The following MTUS1 variants were observed in gnomAD, a reference collection of about 807,000 sequenced individuals.
The protein encoded by MTUS1 is microtubule-associated tumor suppressor 1.
MTUS1 carries 109 observed loss-of-function variants against 120.8 expected under a neutral mutation model. The ratio of observed to expected loss-of-function variants is 0.90; its 90% CI spans 0.77 to 1.06. The LOEUF is 1.06. MTUS1 is among the 50% of genes least tolerant of loss of function. MTUS1 has a pLI of 0.00. For missense variants in MTUS1, 2,210 were observed against 1,486.3 expected, an observed-to-expected ratio of 1.49 and a Z score of -8.01; for synonymous variants, 737 against 550.5, an observed-to-expected ratio of 1.34 and a Z score of -4.74.
intron 7 of MTUS1, chr8:17,676,252 G>C: frequency 1.4e-6 from 1 of 703,018 alleles, no homozygotes; most frequent in Admixed American, 2.0e-5. Flanking sequence ...TTCCAGAAAA[G>C]CACTATAAAC....
chr8:17,747,292 C>G (rs991882757), intron 2 of MTUS1, among the ~76,000 whole-genome samples: 18 of 152,276 alleles, frequency 1.2e-4, no homozygotes, highest in African/African-American at 4.3e-4. Flanking sequence ...TGTACTCTAC[C>G]CAGAATACCT....
chr8:17,723,595 A>G (rs956898364), intron 4 of MTUS1, 77 bp downstream of exon 4: 10 of 1,462,432 alleles, frequency 6.8e-6, no homozygotes, highest in Admixed American at 5.0e-5. Flanking sequence ...CAAAAATTCT[A>G]ATTATTTGCA....
chr8:17,653,735 T>A, intron 10 of MTUS1: 2 of 442,474 alleles, frequency 4.5e-6, no homozygotes, highest in South Asian at 6.8e-5. Context: ...AAGCCCACCA[T>A]GGCCCACAGA....
At position 17,684,380 on chromosome 8, in the gene MTUS1, C is replaced by A; in HGVS notation, c.2786G>T (p.Gly929Val). 9 of 1,614,166 alleles carry A rather than the reference C, an allele frequency of 5.6e-6. No homozygotes were observed. Among genetic ancestry groups the A allele is most frequent in the Non-Finnish European group, 7.6e-6 (9 of 1,180,026 alleles). Residue 929 changes from glycine (G) to valine (V), a missense_variant, in exon 7 of 15, where the codon GGT (glycine) becomes GTT (valine). Transcript: ENST00000693296. ...ILQLKQLLACGNTKFEALTVV... is the reference protein window; with the variant it reads ...ILQLKQLLACVNTKFEALTVV... ...TGTCAATGCCTCAAACTTGGTATTA[C>A]CACAGGCAAGAAGCTGCTTGAGCTG...
rs1554533204 is a variant in MTUS1, at chr8:17,767,700, T to TAAGAAAAAAAAAAA, written c.-154-11740_-154-11739insTTTTTTTTTTTCTT. ...GGTGATAGAGCAAGACCCTGTCTCT[T>TAAGAAAAAAAAAAA]AAAAAAAAAAAAAAAAAACGGTGTG... is the stretch of plus-strand genomic sequence containing the variant. On this transcript the variant is annotated intron_variant, in intron 1 of 14. Transcript: ENST00000693296. 1.4e-4 allele frequency among the ~76,000 whole-genome samples: 12 copies of TAAGAAAAAAAAAAA among 87,872 alleles called. 1 individual carries two copies. The highest frequency in any genetic ancestry group is 5.1e-4 in the African/African-American group (10 of 19,662). The allele number at this position is 87,872 out of a possible 152,430, so 57.6% of individuals were successfully genotyped here. A position where few individuals can be genotyped will look rare whatever the true frequency, so the allele number is the denominator to read the frequency against.
intron 8 of MTUS1, among the ~76,000 whole-genome samples, chr8:17,670,213 A>G (rs1811733883): frequency 6.6e-6 from 1 of 152,240 alleles, no homozygotes; most frequent in Non-Finnish European, 1.5e-5. Context: ...GGGCTGGACC[A>G]TCAGGAAGGT....
intron 3 of MTUS1, among the ~76,000 whole-genome samples, chr8:17,725,278 G>A (rs1203161487): frequency 7.2e-5 from 11 of 152,162 alleles, no homozygotes; most frequent in Admixed American, 7.2e-4. Context: ...AATGCCCATT[G>A]CTTTGTTCTA....
intron 3 of MTUS1, among the ~76,000 whole-genome samples, chr8:17,731,727 A>T (rs182787688): frequency 0.011 from 1,716 of 152,350 alleles, 12 homozygotes; most frequent in South Asian, 0.028. Flanking sequence ...AGCAGATCAA[A>T]AAAAAATCCT....
At chr8:17,662,521 A>T (rs1809980254) in intron 8 of MTUS1, among the ~76,000 whole-genome samples, 2 of 151,698 alleles carry the variant, frequency 1.3e-5, no homozygotes, top group South Asian at 2.1e-4. Context: ...ACACTTGGCT[A>T]ATTTTTTGTT....
chr8:17,771,293 G>A (rs2050006262), intron 1 of MTUS1, among the ~76,000 whole-genome samples: 1 of 152,150 alleles, frequency 6.6e-6, no homozygotes, highest in South Asian at 2.1e-4. Flanking sequence ...GGGGAGGCAG[G>A]GGGCTGCACT....
At chr8:17,786,471 A>G (rs975561499) in intron 1 of MTUS1, among the ~76,000 whole-genome samples, 1 of 152,172 alleles carries the variant, frequency 6.6e-6, no homozygotes, top group Non-Finnish European at 1.5e-5. Flanking sequence ...TTCAGAGGAG[A>G]GAAGAGCCTC....
chr8:17,737,263 T>A (rs1416301191), intron 3 of MTUS1, among the ~76,000 whole-genome samples: 3 of 152,178 alleles, frequency 2.0e-5, no homozygotes, highest in Non-Finnish European at 4.4e-5. Flanking sequence ...AAATTCCTCA[T>A]CTGTAGAATG....
At chr8:17,720,803 T>G (rs573780655) in intron 4 of MTUS1, among the ~76,000 whole-genome samples, 1 of 152,306 alleles carries the variant, frequency 6.6e-6, no homozygotes, top group East Asian at 1.9e-4. Context: ...CTTATAATCT[T>G]TAACCTCTAT....
chr8:17,724,675 A>G (rs2131124074), intron 3 of MTUS1, among the ~76,000 whole-genome samples: 1 of 152,306 alleles, frequency 6.6e-6, no homozygotes, highest in South Asian at 2.1e-4. Flanking sequence ...ATGCTCACGA[A>G]CCTGCTACCT....
intron 3 of MTUS1, 144 bp from the exon 4 acceptor site, chr8:17,723,977 A>G (rs2046024722): frequency 1.5e-6 from 1 of 666,310 alleles, no homozygotes; most frequent in Non-Finnish European, 2.5e-6. Flanking sequence ...CTTCAGATGA[A>G]AGATGAAAGC....
chr8:17,671,394 G>T (rs996862050), intron 8 of MTUS1, among the ~76,000 whole-genome samples: 1 of 152,056 alleles, frequency 6.6e-6, no homozygotes, highest in African/African-American at 2.4e-5. Context: ...CTACAATTAT[G>T]GACTTTATAC....
chr8:17,764,022 C>T (rs2131395929), intron 1 of MTUS1, among the ~76,000 whole-genome samples: 1 of 152,266 alleles, frequency 6.6e-6, no homozygotes, highest in Middle Eastern at 3.4e-3. Context: ...AAATTGTAAA[C>T]AGCCACCCAG....
At chr8:17,753,448 G>A (rs552508091) in intron 2 of MTUS1, among the ~76,000 whole-genome samples, 1 of 152,178 alleles carries the variant, frequency 6.6e-6, no homozygotes, top group African/African-American at 2.4e-5. Context: ...AAATATTAAA[G>A]TAACTTCATT....
Position 17,723,802 on chromosome 8 carries a change from C to T in MTUS1, c.2319G>A (p.Ser773=), listed in dbSNP as rs562756780. Residue 773 remains serine, a synonymous_variant, in exon 4 of 15, where the codon TCG becomes TCA. Coordinates refer to ENST00000693296, the MANE Select transcript of MTUS1 (RefSeq NM_001363059.2). ...GKPTSLKTAQ[S]SWVNLPRPLP... ...GTGGTCTAGGCAAATTCACCCATGA[C>T]GACTGTGCAGTTTTCAAGGATGTAG... 83 of 1,602,972 alleles carry T rather than the reference C, an allele frequency of 5.2e-5. 1 individual carries two copies. The highest frequency in any genetic ancestry group is 5.0e-4 in the Middle Eastern group (3 of 6,018).
Sources: gnomAD v4.1 joint callset for allele counts (sites outside exome capture counted in the v4.1 genomes callset) on GRCh38, gnomAD v4.1.1 for gene constraint, MANE v1.5 for transcripts, NCBI Gene and HGNC (gene_info 2026-07-23, HGNC 2026-07-21) for gene names.